SEC24A: variants seen among roughly 807,000 people sequenced by gnomAD.
SEC24A encodes protein transport protein Sec24A.
A neutral mutation model predicts 129.4 loss-of-function variants in SEC24A; 93 were observed. That is an observed-to-expected ratio of 0.72 (90% CI 0.61 to 0.85). The LOEUF is 0.85. Among genes scored for constraint, SEC24A ranks in the 40% least tolerant of loss-of-function variants. The probability of loss-of-function intolerance (pLI) is 0.00; values close to 1 mark genes in which losing one functional copy is unlikely to be tolerated. For synonymous variants in SEC24A, 460 were observed against 467.3 expected (o/e 0.98, Z 0.20); for missense variants, 1,264 against 1,307.4 (o/e 0.97, Z 0.51).
intron 15 of SEC24A, among the ~76,000 whole-genome samples, chr5:134,698,342 G>T (rs1044966651): frequency 2.0e-5 from 3 of 152,154 alleles, no homozygotes; most frequent in Non-Finnish European, 2.9e-5. Flanking sequence ...AGTGGCTCAT[G>T]CCTGTAATTC....
At chr5:134,668,073 G>A (rs1005556315) in intron 3 of SEC24A, among the ~76,000 whole-genome samples, 1 of 151,376 alleles carries the variant, frequency 6.6e-6, no homozygotes, top group Non-Finnish European at 1.5e-5. Context: ...AATTAGCCTG[G>A]TGTGCTGGCA....
At chr5:134,692,988 T>C (rs1751707663) in intron 12 of SEC24A, 3 of 1,484,552 alleles carry the variant, frequency 2.0e-6, no homozygotes, top group Non-Finnish European at 1.8e-6. Flanking sequence ...AGAAGCACAT[T>C]AGGTAGGCTG....
intron 3 of SEC24A, among the ~76,000 whole-genome samples, chr5:134,667,206 T>TA (rs1750691757): frequency 6.6e-6 from 1 of 152,166 alleles, no homozygotes; most frequent in South Asian, 2.1e-4. Flanking sequence ...AAAAAGCTCT[T>TA]AGTGTTTTGT....
intron 17 of SEC24A, among the ~76,000 whole-genome samples, chr5:134,708,354 C>T (rs554666937): frequency 1.8e-4 from 28 of 152,138 alleles, no homozygotes; most frequent in African/African-American, 6.0e-4. Flanking sequence ...AACTCTGTTT[C>T]GAAACATTGT....
chr5:134,724,231 T>C (rs760868301), intron 22 of SEC24A, among the ~76,000 whole-genome samples: 1 of 152,230 alleles, frequency 6.6e-6, no homozygotes, highest in African/African-American at 2.4e-5. Context: ...GTGGTGTTTG[T>C]CTCTCTGTGC....
chr5:134,649,408 T>C (rs1749972028), intron 1 of SEC24A: 1 of 411,322 alleles, frequency 2.4e-6, no homozygotes, highest in Non-Finnish European at 4.4e-6. Context: ...GAGCACCTGC[T>C]GTATGCAACG....
At chr5:134,699,015 T>C (rs944003144) in intron 15 of SEC24A, among the ~76,000 whole-genome samples, 5 of 151,956 alleles carry the variant, frequency 3.3e-5, no homozygotes, top group African/African-American at 1.2e-4. Flanking sequence ...AGTCTCCACC[T>C]CCCTGACTCA....
rs946470746 is a variant in SEC24A at position 134,648,969 on chromosome 5, T to C, written c.-108T>C. The C allele has an allele frequency of 6.8e-6, 5 of 730,698 alleles. No individual in the cohort carries two copies. The African/African-American group carries it at 9.0e-5, about 13-fold the overall frequency. 45.3% of individuals were successfully genotyped at this position (730,698 alleles called of 1,614,324 possible). A position where few individuals can be genotyped will look rare whatever the true frequency, so the allele number is the denominator to read the frequency against. ...TGCGCCCCCCCCTCTTCTCCCAGTC[T>C]TCAGTCTTAAGTCGTTAGCCTCCTC... On this transcript the variant is annotated 5_prime_UTR_variant, in exon 1 of 23. Transcript: ENST00000398844.
intron 1 of SEC24A, among the ~76,000 whole-genome samples, chr5:134,659,398 A>C (rs900344185): frequency 3.3e-5 from 5 of 152,084 alleles, no homozygotes; most frequent in Non-Finnish European, 7.4e-5. Context: ...TTGATGGGCT[A>C]CTTAGTAATG....
intron 20 of SEC24A, among the ~76,000 whole-genome samples, chr5:134,718,980 A>G (rs1184831270): frequency 6.6e-6 from 1 of 151,934 alleles, no homozygotes; most frequent in African/African-American, 2.4e-5. Context: ...AAAAAAAAAA[A>G]AAATTTAAAA....
chr5:134,690,706 C>T (rs926595353), intron 11 of SEC24A, among the ~76,000 whole-genome samples: 7 of 152,202 alleles, frequency 4.6e-5, no homozygotes, highest in African/African-American at 1.7e-4. Context: ...CCAGTTTGCT[C>T]CCTTTCTAAG....
At chr5:134,724,839 C>A (rs1752721798) in intron 22 of SEC24A, 141 bp from the exon 23 acceptor site, 1 of 594,040 alleles carries the variant, frequency 1.7e-6, no homozygotes, top group Admixed American at 3.6e-5. Flanking sequence ...ACATAATCAA[C>A]CAAGTATTCT....
intron 9 of SEC24A, among the ~76,000 whole-genome samples, chr5:134,685,275 C>T (rs770925683): frequency 4.0e-5 from 6 of 151,624 alleles, no homozygotes; most frequent in Non-Finnish European, 7.4e-5. Context: ...GTGGAAGGAT[C>T]GCTTGAGCCC....
intron 21 of SEC24A, among the ~76,000 whole-genome samples, chr5:134,721,652 A>G (rs944944236): frequency 2.0e-5 from 3 of 151,824 alleles, no homozygotes; most frequent in Admixed American, 2.0e-4. Context: ...TGGGAGGATC[A>G]CTTGAGCCCT....
chr5:134,723,760 GAA>G (rs1444966002), intron 22 of SEC24A, 90 bp downstream of exon 22: 3 of 731,464 alleles, frequency 4.1e-6, no homozygotes, highest in Non-Finnish European at 7.1e-6. Flanking sequence ...AAAGAAGAAA[GAA>G]AAAGAGTTCT....
chr5:134,691,325 C>T (rs572550548), intron 11 of SEC24A, among the ~76,000 whole-genome samples: 4 of 151,386 alleles, frequency 2.6e-5, no homozygotes, highest in East Asian at 3.9e-4. Flanking sequence ...GTGCCCACCA[C>T]GCCTGGCTAC....
rs1178211142 is a variant in SEC24A at position 134,721,067 on chromosome 5, T to C, written c.3040T>C (p.Tyr1014His). The C allele has an allele frequency of 6.2e-7, 1 of 1,609,548 alleles. No individual in the cohort carries two copies. Among genetic ancestry groups the C allele is most frequent in the South Asian group, 1.1e-5 (1 of 90,970 alleles). Residue 1014 changes from tyrosine (Y) to histidine (H), a missense_variant, in exon 21 of 23, where the codon TAT (tyrosine) becomes CAT (histidine). Transcript: ENST00000398844. ...FLSQVLGVQNYASIPQPMTDL... is the reference protein window; with the variant it reads ...FLSQVLGVQNHASIPQPMTDL... ...CAGCCAAGTTCTAGGAGTTCAAAAC[T>C]ATGCATCAATTCCACAGCCTATGGT...
chr5:134,709,866 C>T (rs1330468979), intron 18 of SEC24A, among the ~76,000 whole-genome samples: 2 of 150,032 alleles, frequency 1.3e-5, no homozygotes, highest in Admixed American at 1.3e-4. Context: ...TTTATTGGCT[C>T]TTTCCTGTCC....
chr5:134,669,632 C>T (rs981461807), intron 3 of SEC24A, among the ~76,000 whole-genome samples: 10 of 149,582 alleles, frequency 6.7e-5, no homozygotes, highest in African/African-American at 2.2e-4. Flanking sequence ...CCTGCCACCA[C>T]GCCCGGCTAA....
Sources: allele counts gnomAD v4.1 joint callset (sites outside exome capture counted in the v4.1 genomes callset), GRCh38; gene constraint gnomAD v4.1.1; transcripts MANE v1.5; gene names NCBI Gene and HGNC (gene_info 2026-07-23, HGNC 2026-07-21).